The following ZNF385D variants were observed in gnomAD, a reference collection of about 807,000 sequenced individuals.
ZNF385D encodes zinc finger protein 659.
In ZNF385D, 15 loss-of-function variants were observed where a neutral mutation model predicts 35.8. That is an observed-to-expected ratio of 0.42 (90% CI 0.28 to 0.64). The LOEUF (loss-of-function observed/expected upper bound fraction) is 0.64, where lower values mean the gene tolerates loss of function less well. Among genes scored for constraint, ZNF385D ranks in the 30% least tolerant of loss-of-function variants. ZNF385D has a pLI of 0.23. For synonymous variants in ZNF385D, 212 were observed against 186.8 expected (o/e 1.13, Z -1.10); for missense variants, 474 against 494.6 (o/e 0.96, Z 0.39).
chr3:22,197,130 C>T (rs1204181137), intron 2 of ZNF385D, among the ~76,000 whole-genome samples: 1 of 151,878 alleles, frequency 6.6e-6, no homozygotes, highest in Non-Finnish European at 1.5e-5. Context: ...TTGTCTTTCC[C>T]TTTTAAAGGT....
intron 3 of ZNF385D, among the ~76,000 whole-genome samples, chr3:22,099,897 C>T (rs1335782879): frequency 9.6e-6 from 1 of 103,636 alleles, no homozygotes. Flanking sequence ...GAACTGAGAT[C>T]CTGGTAAAAC....
intron 2 of ZNF385D, among the ~76,000 whole-genome samples, chr3:21,575,986 G>C (rs1011613523): frequency 2.0e-5 from 3 of 152,170 alleles, no homozygotes; most frequent in Non-Finnish European, 4.4e-5. Context: ...AAGGTGGAAA[G>C]AGCTTAATAG....
chr3:22,234,818 C>T (rs933320162), intron 2 of ZNF385D, among the ~76,000 whole-genome samples: 1 of 151,964 alleles, frequency 6.6e-6, no homozygotes, highest in African/African-American at 2.4e-5. Flanking sequence ...TGGGCCTGTA[C>T]ATTGTGAATG....
At chr3:21,651,024 AATCCCAGC>A in intron 2 of ZNF385D, among the ~76,000 whole-genome samples, 2 of 152,124 alleles carry the variant, frequency 1.3e-5, no homozygotes, top group East Asian at 3.9e-4. Context: ...TCACGCCTGT[AATCCCAGC>A]ACTTTGGGAG....
At chr3:21,565,379 A>C (rs2125652347) in intron 2 of ZNF385D, among the ~76,000 whole-genome samples, 1 of 152,186 alleles carries the variant, frequency 6.6e-6, no homozygotes, top group South Asian at 2.1e-4. Flanking sequence ...AGCTCTGATA[A>C]AGTTTAGTGT....
intron 3 of ZNF385D, among the ~76,000 whole-genome samples, chr3:22,076,819 T>C (rs1327307425): frequency 6.6e-6 from 1 of 152,016 alleles, no homozygotes; most frequent in Non-Finnish European, 1.5e-5. Flanking sequence ...AAGTTCAAGA[T>C]CATATTCTCC....
intron 3 of ZNF385D, among the ~76,000 whole-genome samples, chr3:21,537,423 G>A (rs1325269893): frequency 6.6e-6 from 1 of 151,836 alleles, no homozygotes; most frequent in African/African-American, 2.4e-5. Flanking sequence ...GGGATTACAG[G>A]TGTGAGCCAC....
intron 1 of ZNF385D, among the ~76,000 whole-genome samples, chr3:21,691,004 T>C (rs371049639): frequency 5.3e-5 from 8 of 152,190 alleles, no homozygotes; most frequent in African/African-American, 1.9e-4. Flanking sequence ...CTCATTAAAA[T>C]CTGTGGTCCC....
At position 21,980,452 on chromosome 3, in the gene ZNF385D, G is replaced by C. The variant is rs140784869; in HGVS notation, c.325+188365C>G. On this transcript the variant is annotated intron_variant, in intron 3 of 5. Coordinates refer to the ZNF385D transcript ENST00000494108. ...ATAATGTAGATAATGAGTAATAGTA[G>C]CATTGAAGTGAAAAACAGTGTCATA... 1.9e-3 allele frequency among the ~76,000 whole-genome samples: 296 copies of C among 152,234 alleles called. 1 individual carries two copies. Among genetic ancestry groups the C allele is most frequent in the African/African-American group, 6.7e-3 (277 of 41,550 alleles).
intron 2 of ZNF385D, among the ~76,000 whole-genome samples, chr3:21,610,954 T>C (rs2064658621): frequency 6.6e-6 from 1 of 152,190 alleles, no homozygotes; most frequent in Admixed American, 6.5e-5. Context: ...TCCCGTGGAC[T>C]GTTGAACTAG....
intron 2 of ZNF385D, among the ~76,000 whole-genome samples, chr3:21,625,039 A>ATT (rs2065098573): frequency 6.6e-6 from 1 of 151,960 alleles, no homozygotes; most frequent in African/African-American, 2.4e-5. Flanking sequence ...TCTCCCAAAT[A>ATT]TTTTCTTTGA....
At chr3:21,821,890 T>A (rs1440926131) in intron 3 of ZNF385D, among the ~76,000 whole-genome samples, 1 of 145,402 alleles carries the variant, frequency 6.9e-6, no homozygotes, top group African/African-American at 2.5e-5. Flanking sequence ...CACTAGAGCC[T>A]GGGAGGTTGA....
intron 2 of ZNF385D, among the ~76,000 whole-genome samples, chr3:22,258,571 GA>G (rs1475755302): frequency 6.6e-6 from 1 of 151,452 alleles, no homozygotes; most frequent in Non-Finnish European, 1.5e-5. Flanking sequence ...TCCCAAAAAA[GA>G]ATCTAAATAT....
intron 1 of ZNF385D, among the ~76,000 whole-genome samples, chr3:21,690,572 T>C (rs941205224): frequency 1.3e-5 from 2 of 152,226 alleles, no homozygotes; most frequent in African/African-American, 4.8e-5. Context: ...TTTGACAATG[T>C]TGGCATCTAA....
chr3:22,129,329 T>C (rs1463589026), intron 3 of ZNF385D, among the ~76,000 whole-genome samples: 1 of 152,160 alleles, frequency 6.6e-6, no homozygotes, highest in Non-Finnish European at 1.5e-5. Flanking sequence ...TGACTATTCC[T>C]TGGATACTGC....
At chr3:21,743,668 C>T (rs1291530505) in intron 1 of ZNF385D, among the ~76,000 whole-genome samples, 1 of 152,170 alleles carries the variant, frequency 6.6e-6, no homozygotes, top group African/African-American at 2.4e-5. Context: ...GGGTTCCACC[C>T]AAATGGCTTC....
At chr3:21,945,140 A>ATAAG (rs1701712835) in intron 3 of ZNF385D, among the ~76,000 whole-genome samples, 1 of 140,986 alleles carries the variant, frequency 7.1e-6, no homozygotes, top group Admixed American at 8.0e-5. Context: ...ATATATATGT[A>ATAAG]TATGCATATA....
At chr3:21,676,770 G>C (rs989248042) in intron 1 of ZNF385D, among the ~76,000 whole-genome samples, 1 of 147,398 alleles carries the variant, frequency 6.8e-6, no homozygotes, top group African/African-American at 2.5e-5. Flanking sequence ...AACCAGATAG[G>C]GATGATTTCA....
chr3:21,606,743 A>C (rs2064496279), intron 2 of ZNF385D, among the ~76,000 whole-genome samples: 1 of 152,214 alleles, frequency 6.6e-6, no homozygotes, highest in African/African-American at 2.4e-5. Flanking sequence ...TTCCACCATC[A>C]GACCTTTCCA....
Sources: allele counts gnomAD v4.1 joint callset (sites outside exome capture counted in the v4.1 genomes callset), GRCh38; gene constraint gnomAD v4.1.1; transcripts MANE v1.5; gene names NCBI Gene and HGNC (gene_info 2026-07-23, HGNC 2026-07-21).